B3GALNT2: variants seen among roughly 807,000 people sequenced by gnomAD.
The protein encoded by B3GALNT2 is beta-1,3-N-acetylgalactosaminyltransferase 2.
In B3GALNT2, 53 loss-of-function variants were observed where a neutral mutation model predicts 61.1. The observed-to-expected ratio is 0.87, with a 90% CI of 0.70 to 1.09. B3GALNT2 has a LOEUF of 1.09. Among genes scored for constraint, B3GALNT2 ranks in the 50% least tolerant of loss-of-function variants. The pLI, the probability that B3GALNT2 is intolerant of heterozygous loss-of-function variation, is 0.00. For synonymous variants in B3GALNT2, 223 were observed against 237.4 expected (o/e 0.94, Z 0.56); for missense variants, 544 against 623.0 (o/e 0.87, Z 1.35).
intron 5 of B3GALNT2, chr1:235,478,768 G>A (rs1388647121): frequency 6.6e-6 from 1 of 152,216 alleles, no homozygotes; most frequent in Non-Finnish European, 1.5e-5. Flanking sequence ...GTTAAAGTAA[G>A]TAAATTATAA....
At chr1:235,444,376 CAA>C (rs1279280120), downstream of B3GALNT2, among the ~76,000 whole-genome samples, 1 of 152,142 alleles carries the variant, frequency 6.6e-6, no homozygotes, top group Admixed American at 6.6e-5. Flanking sequence ...ACAGACTAGT[CAA>C]AGAGGGCCAG....
intron 9 of B3GALNT2, 71 bp downstream of exon 9, chr1:235,455,488 A>T: frequency 6.7e-7 from 1 of 1,482,698 alleles, no homozygotes; most frequent in Non-Finnish European, 9.3e-7. Flanking sequence ...AAAAAAAAAG[A>T]TATTTTATGC....
In B3GALNT2 at chr1:235,474,101, C is replaced by G. The variant is rs563880823; in HGVS notation, c.652-3141G>C. Among the ~76,000 whole-genome samples the G allele has an allele frequency of 4.3e-4, 66 of 152,336 alleles. 1 individual carries two copies. The highest frequency in any genetic ancestry group is 1.5e-3 in the African/African-American group (63 of 41,582). On this transcript the variant is annotated intron_variant, in intron 5 of 11. Coordinates refer to ENST00000366600, the MANE Select transcript of B3GALNT2 (RefSeq NM_152490.5). ...CTAAGCAAGGAAGAAGCTTTATCTT[C>G]CACCTATCTCCTAAACCTGTTTCTG...
intron 5 of B3GALNT2, among the ~76,000 whole-genome samples, chr1:235,476,849 CAAA>C (rs1337555952): frequency 2.5e-5 from 3 of 121,012 alleles, no homozygotes; most frequent in African/African-American, 6.2e-5. Context: ...AATGCTGTCT[CAAA>C]AAAAAAAAAA....
downstream of B3GALNT2, among the ~76,000 whole-genome samples, chr1:235,443,183 C>CAT (rs202164530): frequency 0.011 from 1,643 of 145,220 alleles, 30 homozygotes; most frequent in African/African-American, 0.039. Context: ...CACACACACA[C>CAT]ACATATATAT....
chr1:235,481,851 T>C (rs576068492), intron 4 of B3GALNT2, among the ~76,000 whole-genome samples: 9 of 152,336 alleles, frequency 5.9e-5, no homozygotes, highest in African/African-American at 1.9e-4. Context: ...CTAATCATTA[T>C]AGCTGGCATC....
Position 235,448,220 on chromosome 1 carries a change from C to CTCA in B3GALNT2, c.*1985_*1986insTGA. The CTCA allele has an allele frequency of 1.9e-6, 1 of 527,198 alleles. No homozygotes were observed. Among genetic ancestry groups the CTCA allele is most frequent in the East Asian group, 3.4e-5 (1 of 29,776 alleles). The allele number at this position is 527,198 out of a possible 1,614,324, so 32.7% of individuals were successfully genotyped here. ...CTTAAGTAAGTAAGTAAGTCAGTCTCAAAAAAAAAAAAAAAAAAAAGACAG... is the reference window on the plus strand; with the variant it reads ...CTTAAGTAAGTAAGTAAGTCAGTCTCTCAAAAAAAAAAAAAAAAAAAAAGACAG... On this transcript the variant is annotated 3_prime_UTR_variant, in exon 12 of 12. Transcript: ENST00000366600.
At position 235,449,525 on chromosome 1, in the gene B3GALNT2, C is replaced by G. The variant is rs1682763681; in HGVS notation, c.*681G>C. On this transcript the variant is annotated 3_prime_UTR_variant, in exon 12 of 12. Transcript: ENST00000366600. ...AAAAACTATGAGTACTAAACTGTGA[C>G]CTTCAGGATTTATGTTAGATGGCAG... The G allele has an allele frequency of 6.6e-6, 1 of 152,394 alleles. No individual in the cohort carries two copies. Among genetic ancestry groups the G allele is most frequent in the Non-Finnish European group, 1.5e-5 (1 of 68,212 alleles). 9.4% of individuals were successfully genotyped at this position (152,394 alleles called of 1,614,324 possible).
At chr1:235,483,680 A>C (rs1389449186) in intron 4 of B3GALNT2, among the ~76,000 whole-genome samples, 1 of 152,168 alleles carries the variant, frequency 6.6e-6, no homozygotes, top group Admixed American at 6.5e-5. Flanking sequence ...TAATAAACCA[A>C]ATACAGGAAA....
intron 6 of B3GALNT2, among the ~76,000 whole-genome samples, chr1:235,467,575 C>T (rs1683767287): frequency 1.3e-5 from 2 of 149,984 alleles, no homozygotes; most frequent in Admixed American, 6.7e-5. Context: ...ACATCTGCCT[C>T]GGGGGTTCAA....
chr1:235,443,718 G>A (rs1234266866), downstream of B3GALNT2, among the ~76,000 whole-genome samples: 3 of 152,174 alleles, frequency 2.0e-5, no homozygotes, highest in African/African-American at 4.8e-5. Flanking sequence ...TGACTGATTA[G>A]GAGTCCCTGC....
the B3GALNT2 span, chr1:235,441,663 T>TA: frequency 4.4e-6 from 3 of 688,228 alleles, no homozygotes; most frequent in African/African-American, 1.8e-5. Flanking sequence ...CCATCACTCC[T>TA]AAAAATCACA....
chr1:235,465,743 T>C, intron 6 of B3GALNT2, 29 bp from the exon 7 acceptor site: 1 of 1,603,772 alleles, frequency 6.2e-7, no homozygotes, highest in East Asian at 2.2e-5. Context: ...TACTCAGTGA[T>C]TCATTACTAA....
intron 1 of B3GALNT2, among the ~76,000 whole-genome samples, chr1:235,495,800 T>C (rs763946116): frequency 2.0e-5 from 3 of 152,160 alleles, no homozygotes; most frequent in Non-Finnish European, 2.9e-5. Flanking sequence ...AAATAAATTA[T>C]TGAAGCCCAG....
intron 4 of B3GALNT2, among the ~76,000 whole-genome samples, chr1:235,480,563 A>G (rs971278102): frequency 1.3e-5 from 2 of 152,118 alleles, no homozygotes; most frequent in Non-Finnish European, 2.9e-5. Flanking sequence ...ACTCCGTTCA[A>G]AAAGAATCTT....
In B3GALNT2 at chr1:235,500,107, G is replaced by A. The variant is rs12025148; in HGVS notation, c.112+4034C>T. ...GTTTTCTTCTGAGACCCTACAGTAA[G>A]AACTATTTCTTTTCTTAATATGTAA... On this transcript the variant is annotated intron_variant, in intron 1 of 11. Transcript: ENST00000366600. Among the ~76,000 whole-genome samples the A allele has an allele frequency of 5.7e-3, 872 of 152,230 alleles. 10 individuals carry two copies. The highest frequency in any genetic ancestry group is 0.032 in the East Asian group (168 of 5,176).
At chr1:235,478,423 T>C (rs935177866) in intron 5 of B3GALNT2, among the ~76,000 whole-genome samples, 13 of 152,216 alleles carry the variant, frequency 8.5e-5, no homozygotes, top group African/African-American at 2.9e-4. Context: ...AAAGTTCATA[T>C]GTGAAATTAA....
intron 2 of B3GALNT2, among the ~76,000 whole-genome samples, chr1:235,490,342 T>C (rs80252277): frequency 6.6e-6 from 1 of 152,320 alleles, no homozygotes; most frequent in East Asian, 1.9e-4. Flanking sequence ...GTGATTCTCC[T>C]GCCTCAGCCT....
chr1:235,477,848 T>A (rs948947827), intron 5 of B3GALNT2, among the ~76,000 whole-genome samples: 8 of 152,208 alleles, frequency 5.3e-5, no homozygotes, highest in Non-Finnish European at 1.2e-4. Flanking sequence ...CATCTATTGA[T>A]CTACTGAATG....
Sources: allele counts gnomAD v4.1 joint callset (sites outside exome capture counted in the v4.1 genomes callset), GRCh38; gene constraint gnomAD v4.1.1; transcripts MANE v1.5; gene names NCBI Gene and HGNC (gene_info 2026-07-23, HGNC 2026-07-21).